ANKRD44: variants seen among roughly 807,000 people sequenced by gnomAD.
The protein encoded by ANKRD44 is ankyrin repeat domain 44.
In ANKRD44, 35 loss-of-function variants were observed where a neutral mutation model predicts 116.0. That is an observed-to-expected ratio of 0.30 (90% CI 0.23 to 0.40). ANKRD44 has a LOEUF of 0.40. Ranked by LOEUF, ANKRD44 falls within the 10% of genes least tolerant of loss-of-function variation. The pLI, the probability that ANKRD44 is intolerant of heterozygous loss-of-function variation, is 1.00. For synonymous variants in ANKRD44, 435 were observed against 461.8 expected, an observed-to-expected ratio of 0.94 and a Z score of 0.74; for missense variants, 1,014 against 1,242.6, an observed-to-expected ratio of 0.82 and a Z score of 2.77.
At chr2:196,996,317 A>G (rs562109371) in intron 25 of ANKRD44, among the ~76,000 whole-genome samples, 2 of 152,376 alleles carry the variant, frequency 1.3e-5, no homozygotes, top group South Asian at 2.1e-4. Context: ...AATAAACTTC[A>G]TAAGGCTGAG....
In ANKRD44 at chr2:196,989,610, G is replaced by C; in HGVS notation, c.2963C>G (p.Ala988Gly). 1 of 1,550,102 alleles carries C rather than the reference G, an allele frequency of 6.5e-7. No individual in the cohort carries two copies. Residue 988 changes from alanine to glycine, a missense_variant, in exon 28 of 28, where the codon GCT becomes GGT. Physicochemically the swap from Ala to Gly is moderately conservative, Grantham distance 60 (BLOSUM62 0). Transcript: ENST00000282272. ...SNGPRSTPGT[A>G]VQKEE Reference sequence around the variant, plus strand: ...AGAGTCTCATTCTTCTTTTTGTACAGCGGTTCCAGGTGTGGAACGGGGTCC... The same window carrying C: ...AGAGTCTCATTCTTCTTTTTGTACACCGGTTCCAGGTGTGGAACGGGGTCC...
chr2:197,245,795 G>C (rs2082178657), intron 1 of ANKRD44, among the ~76,000 whole-genome samples: 1 of 152,154 alleles, frequency 6.6e-6, no homozygotes, highest in Non-Finnish European at 1.5e-5. Flanking sequence ...AGTGAATCAA[G>C]ACTGATCAAA....
chr2:197,024,025 G>A (rs2076545617), intron 17 of ANKRD44, among the ~76,000 whole-genome samples: 1 of 152,150 alleles, frequency 6.6e-6, no homozygotes, highest in South Asian at 2.1e-4. Context: ...GGTGTGCTGT[G>A]AGTATGTGGG....
intron 9 of ANKRD44, among the ~76,000 whole-genome samples, chr2:197,105,905 T>A (rs909970762): frequency 2.0e-5 from 3 of 152,162 alleles, no homozygotes; most frequent in Non-Finnish European, 4.4e-5. Context: ...ATCCCCAGAC[T>A]GCAGAGAAGT....
At chr2:197,019,932 G>C (rs950349116) in intron 17 of ANKRD44, among the ~76,000 whole-genome samples, 3 of 151,932 alleles carry the variant, frequency 2.0e-5, no homozygotes, top group African/African-American at 7.3e-5. Flanking sequence ...CAGTAGATGA[G>C]ATTACAGGTG....
chr2:197,131,616 T>G (rs2079099397), intron 4 of ANKRD44, among the ~76,000 whole-genome samples: 1 of 151,456 alleles, frequency 6.6e-6, no homozygotes, highest in Non-Finnish European at 1.5e-5. Flanking sequence ...GTCTCTAGAA[T>G]GGAGAAGTGA....
Position 196,987,434 on chromosome 2 carries a change from T to C in ANKRD44, c.*2157A>G. On this transcript the variant is annotated 3_prime_UTR_variant, in exon 28 of 28. Coordinates refer to ENST00000282272, the MANE Select transcript of ANKRD44 (RefSeq NM_001195144.2). The stretch of plus-strand genomic sequence containing the variant: ...TACAAATATAAAAAGGCACTCTAAC[T>C]TCATATTACAAGACAATAAAACGGA... The C allele has an allele frequency of 2.0e-6, 2 of 985,366 alleles. No homozygotes were observed. Among genetic ancestry groups the C allele is most frequent in the Non-Finnish European group, 2.4e-6 (2 of 829,856 alleles). 61.0% of individuals were successfully genotyped at this position (985,366 alleles called of 1,614,324 possible). A position where few individuals can be genotyped will look rare whatever the true frequency, so the allele number is the denominator to read the frequency against.
chr2:196,979,368 G>A (rs1308412558), intron 21 of ANKRD44, among the ~76,000 whole-genome samples: 1 of 122,948 alleles, frequency 8.1e-6, no homozygotes, highest in Non-Finnish European at 1.6e-5. Flanking sequence ...AGGCGACAGA[G>A]CGAGACTCCG....
At chr2:197,297,612 T>A (rs1041729317) in intron 1 of ANKRD44, among the ~76,000 whole-genome samples, 2 of 152,212 alleles carry the variant, frequency 1.3e-5, no homozygotes, top group Admixed American at 6.5e-5. Flanking sequence ...TGGACACAGC[T>A]TGTTAGGAGT....
downstream of ANKRD44, among the ~76,000 whole-genome samples, chr2:196,983,151 T>A (rs13024582): frequency 0.76 from 115,935 of 151,902 alleles, 45,829 homozygotes; most frequent in East Asian, 1. Flanking sequence ...TATGTAACAA[T>A]TCTGTATGTT....
chr2:196,988,262 G>A lies in ANKRD44; in HGVS notation c.*1329C>T, dbSNP rs2075862026. On this transcript the variant is annotated 3_prime_UTR_variant, in exon 28 of 28. Coordinates refer to ENST00000282272, the MANE Select transcript of ANKRD44 (RefSeq NM_001195144.2). ...AGATTTCCATTCACTTCTAGAAAAAGACACCGCAGCATATTGTGCTTCTTC... is the reference window on the plus strand; with the variant it reads ...AGATTTCCATTCACTTCTAGAAAAAAACACCGCAGCATATTGTGCTTCTTC... 1 of 985,402 alleles carries A rather than the reference G, an allele frequency of 1.0e-6. No individual in the cohort carries two copies. The highest frequency in any genetic ancestry group is 4.7e-5 in the South Asian group (1 of 21,282). The allele number at this position is 985,402 out of a possible 1,614,324, so 61.0% of individuals were successfully genotyped here. A position where few individuals can be genotyped will look rare whatever the true frequency, so the allele number is the denominator to read the frequency against.
At chr2:197,121,604 C>T (rs1222830687) in intron 7 of ANKRD44, 60 bp from the exon 8 acceptor site, 4 of 1,418,592 alleles carry the variant, frequency 2.8e-6, no homozygotes, top group East Asian at 2.4e-5. Flanking sequence ...CTCCATTTTC[C>T]ACAAAAAGCA....
In ANKRD44 at chr2:197,143,135, T is replaced by C. The variant is rs115986547; in HGVS notation, c.190+3892A>G. 9.9e-3 allele frequency among the ~76,000 whole-genome samples: 1,301 copies of C among 131,060 alleles called. 21 individuals carry two copies. Among genetic ancestry groups the C allele is most frequent in the African/African-American group, 0.032 (1,187 of 36,730 alleles). 86.0% of individuals were successfully genotyped at this position (131,060 alleles called of 152,430 possible). Reference sequence around the variant, plus strand: ...TATAATCCTTACTTGTCCTCAGAGTTTTCTCTGTAGGATCTTTTTTTTTTT... The same window carrying C: ...TATAATCCTTACTTGTCCTCAGAGTCTTCTCTGTAGGATCTTTTTTTTTTT... On this transcript the variant is annotated intron_variant, in intron 3 of 27. Transcript: ENST00000282272.
chr2:197,079,586 T>A (rs1403028204), intron 15 of ANKRD44, among the ~76,000 whole-genome samples: 2 of 152,220 alleles, frequency 1.3e-5, no homozygotes, highest in Admixed American at 6.5e-5. Context: ...CAGGGCCTAC[T>A]GCAAACGGTC....
chr2:197,272,219 T>C (rs1260265035), intron 1 of ANKRD44, among the ~76,000 whole-genome samples: 1 of 152,064 alleles, frequency 6.6e-6, no homozygotes, highest in Non-Finnish European at 1.5e-5. Flanking sequence ...TATTGTTTTA[T>C]TTGTTTGTTT....
At chr2:197,048,242 A>G (rs1034581879) in intron 16 of ANKRD44, among the ~76,000 whole-genome samples, 1 of 152,116 alleles carries the variant, frequency 6.6e-6, no homozygotes, top group Non-Finnish European at 1.5e-5. Flanking sequence ...CACCACGTGC[A>G]GGTTTGATAC....
intron 21 of ANKRD44, among the ~76,000 whole-genome samples, chr2:196,968,508 G>T (rs1316385331): frequency 6.6e-6 from 1 of 152,118 alleles, no homozygotes; most frequent in Non-Finnish European, 1.5e-5. Flanking sequence ...TACTTGCCTT[G>T]AACAGTCTGG....
At chr2:197,255,384 A>G (rs536703772) in intron 1 of ANKRD44, among the ~76,000 whole-genome samples, 3 of 152,360 alleles carry the variant, frequency 2.0e-5, no homozygotes, top group Admixed American at 2.0e-4. Flanking sequence ...GGCAGGCACA[A>G]TAGAGCAGCC....
At chr2:197,178,291 C>T (rs1219077408) in intron 2 of ANKRD44, among the ~76,000 whole-genome samples, 3 of 151,068 alleles carry the variant, frequency 2.0e-5, no homozygotes, top group Admixed American at 6.6e-5. Flanking sequence ...GGCAACACAG[C>T]GAGAACTTGT....
Sources: allele counts gnomAD v4.1 joint callset (sites outside exome capture counted in the v4.1 genomes callset), GRCh38; gene constraint gnomAD v4.1.1; transcripts MANE v1.5; gene names NCBI Gene and HGNC (gene_info 2026-07-23, HGNC 2026-07-21).